COL20A1: variants seen among roughly 807,000 people sequenced by gnomAD.
The protein encoded by COL20A1 is collagen alpha-1(XX) chain.
In COL20A1, 164 loss-of-function variants were observed where a neutral mutation model predicts 152.9. The ratio of observed to expected loss-of-function variants is 1.07; its 90% confidence interval spans 0.94 to 1.22. The LOEUF (loss-of-function observed/expected upper bound fraction) is 1.22. Ranked by LOEUF, COL20A1 falls within the 50% of genes most tolerant of loss-of-function variation. The probability of loss-of-function intolerance (pLI) is 0.00; values close to 1 mark genes in which losing one functional copy is unlikely to be tolerated. For missense variants in COL20A1, 1,873 were observed against 1,744.8 expected (o/e 1.07, Z -1.31); for synonymous variants, 864 against 756.0 (o/e 1.14, Z -2.34).
chr20:63,298,962 C>T (rs934785055), intron 3 of COL20A1, among the ~76,000 whole-genome samples: 1 of 152,260 alleles, frequency 6.6e-6, no homozygotes, highest in African/African-American at 2.4e-5. Flanking sequence ...GCTCCCTGGA[C>T]GGCCGCCTCC....
In COL20A1 at chr20:63,312,118, G is replaced by A. The variant is rs369909120; in HGVS notation, c.1803+63G>A. On this transcript the variant is annotated intron_variant, in intron 14 of 35. Coordinates refer to ENST00000358894, the MANE Select transcript of COL20A1 (RefSeq NM_020882.4). ...GGGACCACAGGGCCCTGTCTGGCAG[G>A]CATGGGGTGGAGCCAACCATCAGAT... The A allele has an allele frequency of 3.3e-5, 49 of 1,477,120 alleles. No individual in the cohort carries two copies. In the East Asian group the frequency reaches 8.3e-4, roughly 25 times the overall value. 91.5% of individuals were successfully genotyped at this position (1,477,120 alleles called of 1,614,324 possible). A position where few individuals can be genotyped will look rare whatever the true frequency, so the allele number is the denominator to read the frequency against.
intron 27 of COL20A1, chr20:63,325,120 C>CT (rs572435798): frequency 9.9e-4 from 471 of 477,368 alleles, no homozygotes; most frequent in Non-Finnish European, 1.7e-3. Flanking sequence ...GGTGCTGGGG[C>CT]TGCCCCTGCT....
chr20:63,299,016 G>C (rs1038977498), intron 3 of COL20A1, among the ~76,000 whole-genome samples: 1 of 152,176 alleles, frequency 6.6e-6, no homozygotes, highest in African/African-American at 2.4e-5. Context: ...TTCTCTAAGT[G>C]GAATCACACC....
At chr20:63,318,058 T>G (rs1365853285) in intron 21 of COL20A1, among the ~76,000 whole-genome samples, 1 of 152,150 alleles carries the variant, frequency 6.6e-6, no homozygotes, top group Non-Finnish European at 1.5e-5. Context: ...GGTGGCTGTT[T>G]CCATGAGTCC....
intron 6 of COL20A1, 21 bp downstream of exon 6, chr20:63,307,669 C>T (rs1346561618): frequency 7.5e-6 from 12 of 1,603,978 alleles, no homozygotes; most frequent in Non-Finnish European, 1.0e-5. Flanking sequence ...GCCCGGCCCG[C>T]CTCCTGCCCC....
rs527424797 is a variant in COL20A1, at chr20:63,329,073, C to G, written c.3782-512C>G. ...GGGGGATGACCCAGCCAGACGAGGA[C>G]TGAGTTCTGCACTGGCCGGGGCAGC... is the stretch of plus-strand genomic sequence containing the variant. On this transcript the variant is annotated intron_variant, in intron 34 of 35. Coordinates refer to ENST00000358894, the MANE Select transcript of COL20A1 (RefSeq NM_020882.4). The G allele has an allele frequency of 5.9e-5, 10 of 169,520 alleles. No individual in the cohort carries two copies. In the East Asian group the frequency reaches 1.8e-3, roughly 31 times the overall value. 10.5% of individuals were successfully genotyped at this position (169,520 alleles called of 1,614,324 possible).
Position 63,313,997 on chromosome 20 carries a change from G to A in COL20A1, c.2359-75G>A. On this transcript the variant is annotated intron_variant, in intron 18 of 35. Coordinates refer to ENST00000358894, the MANE Select transcript of COL20A1 (RefSeq NM_020882.4). This position sits in a 1 kb window ranked among gnomAD's most constrained non-coding sequence, Gnocchi z 5.9. ...GGCAGCTCTGCCATGGCGGGACGCA[G>A]AGGGAGGCAGCTGAGCCGCGTGGAC... 6.2e-7 allele frequency: 1 copy of A among 1,605,894 alleles called. No homozygotes were observed. The highest frequency in any genetic ancestry group is 1.1e-5 in the South Asian group (1 of 89,726).
At chr20:63,318,362 G>C (rs1392613860) in intron 21 of COL20A1, among the ~76,000 whole-genome samples, 2 of 150,402 alleles carry the variant, frequency 1.3e-5, no homozygotes, top group Non-Finnish European at 3.0e-5. Flanking sequence ...ACAGATAGGA[G>C]GCTACGGCCA....
intron 14 of COL20A1, among the ~76,000 whole-genome samples, 172 bp downstream of exon 14, chr20:63,312,227 A>T (rs1241553611): frequency 6.6e-6 from 1 of 152,024 alleles, no homozygotes. Flanking sequence ...TCTGGGGGGA[A>T]CCAGGCTGGG....
rs1184779610 is a variant in COL20A1, at chr20:63,307,416, CGGGGTA to C, written c.497-71_497-66del. 16 of 1,424,808 alleles carry C rather than the reference CGGGGTA, an allele frequency of 1.1e-5. 1 individual carries two copies. The highest frequency in any genetic ancestry group is 1.5e-5 in the Non-Finnish European group (16 of 1,046,204). The allele number at this position is 1,424,808 out of a possible 1,614,324, so 88.3% of individuals were successfully genotyped here. On this transcript the variant is annotated intron_variant, in intron 5 of 35. Transcript: ENST00000358894. ...TGCCTCACTCTTGTGGCTGGAGCCCCGGGGTAGGTGATCTGGGGGCCTTGGACCAGG... is the reference window on the plus strand; with the variant it reads ...TGCCTCACTCTTGTGGCTGGAGCCCCGGTGATCTGGGGGCCTTGGACCAGG...
At position 63,311,655 on chromosome 20, in the gene COL20A1, G is replaced by C; in HGVS notation, c.1570G>C (p.Asp524His). Residue 524 changes from aspartate to histidine, a missense_variant, in exon 13 of 36, where the codon GAT becomes CAT. Physicochemically the swap from Asp to His is moderately conservative, Grantham distance 81 (BLOSUM62 -1). Transcript: ENST00000358894. The surrounding 1 kb of genome is among the most constrained non-coding windows in gnomAD (Gnocchi z 4.4). ...VQVGRPEVLLDGLEPGRDYEV... is the reference protein window; with the variant it reads ...VQVGRPEVLLHGLEPGRDYEV... ...GGTCGGGCGGCCCGAGGTGCTGCTGGATGGCCTGGAACCTGGCAGGGACTA... is the reference window on the plus strand; with the variant it reads ...GGTCGGGCGGCCCGAGGTGCTGCTGCATGGCCTGGAACCTGGCAGGGACTA... 1 of 1,609,734 alleles carries C rather than the reference G, an allele frequency of 6.2e-7. No individual in the cohort carries two copies. The highest frequency in any genetic ancestry group is 8.5e-7 in the Non-Finnish European group (1 of 1,179,592).
chr20:63,307,765 G>T, intron 6 of COL20A1, 117 bp downstream of exon 6: 2 of 1,276,522 alleles, frequency 1.6e-6, no homozygotes, highest in Non-Finnish European at 2.2e-6. Flanking sequence ...ACCTTGTGGG[G>T]TGGGACGCCT....
intron 27 of COL20A1, 52 bp from the exon 28 acceptor site, chr20:63,325,389 T>C (rs747821697): frequency 4.1e-5 from 58 of 1,398,748 alleles, no homozygotes; most frequent in Admixed American, 8.6e-5. Flanking sequence ...TTCCCTGCCC[T>C]CCTGCCCTGT....
chr20:63,307,830 G>A (rs1386432015), intron 6 of COL20A1, 141 bp from the exon 7 acceptor site: 24 of 1,206,532 alleles, frequency 2.0e-5, no homozygotes, highest in Non-Finnish European at 2.5e-5. Context: ...GGCTCTGCAA[G>A]CGTCCTCTCC....
intron 3 of COL20A1, among the ~76,000 whole-genome samples, chr20:63,299,844 C>T (rs565332562): frequency 1.2e-3 from 177 of 150,518 alleles, no homozygotes; most frequent in Non-Finnish European, 2.0e-3. Flanking sequence ...TGTATATATA[C>T]GTGTGTGTGT....
intron 31 of COL20A1, chr20:63,327,565 G>A: frequency 4.4e-6 from 1 of 229,746 alleles, no homozygotes; most frequent in Non-Finnish European, 8.7e-6. Context: ...GAGCTGGGGA[G>A]GTGGAAGAAG....
In COL20A1 at chr20:63,308,080, C is replaced by T. The variant is rs2123393754; in HGVS notation, c.765C>T (p.Asn255=). ...GCCGCCTCCGCTACAAGGGGGGGAA[C>T]ACGTTCACAGGTACGGCCCAGGCCT... ...AVRRLRYKGG[N]TFTGLALTHV... Residue 255 remains asparagine, a synonymous_variant, in exon 7 of 36, where the codon AAC becomes AAT. Transcript: ENST00000358894. 6.2e-7 allele frequency: 1 copy of T among 1,612,552 alleles called. No individual in the cohort carries two copies. The highest frequency in any genetic ancestry group is 8.5e-7 in the Non-Finnish European group (1 of 1,179,770).
In COL20A1 at chr20:63,305,191, TAGTAAGTGACATCTTCTTTTC is replaced by T. The variant is rs1179063959; in HGVS notation, c.194-224_194-204del. Reference sequence around the variant, plus strand: ...TGCGGCGGATTCCTCTAGGGGGGTTTAGTAAGTGACATCTTCTTTTCACCGCCCCAAGACCCCCATTCTCTG... The same window carrying T: ...TGCGGCGGATTCCTCTAGGGGGGTTTACCGCCCCAAGACCCCCATTCTCTG... On this transcript the variant is annotated intron_variant, in intron 3 of 35. Coordinates refer to ENST00000358894, the MANE Select transcript of COL20A1 (RefSeq NM_020882.4). The surrounding 1 kb of genome is among the most constrained non-coding windows in gnomAD (Gnocchi z 4.9). Among the ~76,000 whole-genome samples the T allele has an allele frequency of 6.6e-6, 1 of 152,112 alleles. No individual in the cohort carries two copies. Among genetic ancestry groups the T allele is most frequent in the African/African-American group, 2.4e-5 (1 of 41,414 alleles).
intron 21 of COL20A1, among the ~76,000 whole-genome samples, chr20:63,317,880 C>T (rs2068105498): frequency 1.3e-5 from 2 of 152,120 alleles, no homozygotes; most frequent in African/African-American, 4.8e-5. Flanking sequence ...CCCCCCTCTC[C>T]TCTTCCTCGG....
Sources: gnomAD v4.1 joint callset for allele counts (sites outside exome capture counted in the v4.1 genomes callset) on GRCh38, gnomAD v4.1.1 for gene constraint, Gnocchi (gnomAD v3.1) non-coding constraint, MANE v1.5 for transcripts, NCBI Gene and HGNC (gene_info 2026-07-23, HGNC 2026-07-21) for gene names.